The following CS variants were observed in gnomAD, a reference collection of about 807,000 sequenced individuals.
CS encodes the protein citrate synthase, also known as citrate synthase, mitochondrial.
In CS, 13 loss-of-function variants were observed where a neutral mutation model predicts 61.4. That is an observed-to-expected ratio of 0.21 (90% CI 0.14 to 0.34). CS has a LOEUF of 0.34. CS is among the 10% of genes least tolerant of loss of function. CS has a pLI of 1.00. For missense variants in CS, 278 were observed against 573.4 expected (o/e 0.48, Z 5.26); for synonymous variants, 159 against 215.2 (o/e 0.74, Z 2.29).
chr12:56,296,293 T>G (rs1873303476), intron 1 of CS, among the ~76,000 whole-genome samples: 1 of 151,978 alleles, frequency 6.6e-6, no homozygotes, highest in African/African-American at 2.4e-5. Flanking sequence ...AAACACTGTC[T>G]CCAAAAAAAC....
intron 1 of CS, among the ~76,000 whole-genome samples, chr12:56,295,480 C>T (rs1873268932): frequency 6.6e-6 from 1 of 151,738 alleles, no homozygotes; most frequent in Non-Finnish European, 1.5e-5. Flanking sequence ...GAGATCACAC[C>T]ACTGCACTCC....
intron 6 of CS, among the ~76,000 whole-genome samples, chr12:56,278,613 T>A (rs1565619984): frequency 6.6e-6 from 1 of 151,722 alleles, no homozygotes; most frequent in Non-Finnish European, 1.5e-5. Flanking sequence ...GGCTTGCACC[T>A]GTGGTCCCAG....
intron 1 of CS, among the ~76,000 whole-genome samples, chr12:56,287,397 G>A (rs1400856757): frequency 1.4e-5 from 2 of 146,108 alleles, no homozygotes; most frequent in Admixed American, 1.4e-4. Flanking sequence ...TGGGAGAATG[G>A]CTTAAACCTT....
At position 56,273,673 on chromosome 12, in the gene CS, T is replaced by C. The variant is rs1213398142; in HGVS notation, c.1144A>G (p.Lys382Glu). Residue 382 changes from lysine (K) to glutamate (E), a missense_variant, in exon 10 of 11, where the codon AAG becomes GAG. Coordinates refer to ENST00000351328, the MANE Select transcript of CS (RefSeq NM_004077.3). ...TCTAAGAGGACATTGGGCACAATCTTGTACAGCTGAGCAACCAACTTAAAC... is the reference window on the plus strand; with the variant it reads ...TCTAAGAGGACATTGGGCACAATCTCGTACAGCTGAGCAACCAACTTAAAC... Reference protein sequence around the residue: ...PMFKLVAQLYKIVPNVLLEQG... With the variant: ...PMFKLVAQLYEIVPNVLLEQG... The C allele has an allele frequency of 1.2e-6, 2 of 1,614,078 alleles. No individual in the cohort carries two copies. The highest frequency in any genetic ancestry group is 1.1e-5 in the South Asian group (1 of 91,084).
intron 2 of CS, 181 bp from the exon 3 acceptor site, chr12:56,286,204 A>C: frequency 3.4e-6 from 2 of 593,434 alleles, no homozygotes; most frequent in Non-Finnish European, 6.0e-6. Context: ...ATGAGGAGTT[A>C]ATGTTTAATG....
chr12:56,282,809 A>G (rs988683683), intron 5 of CS, 51 bp downstream of exon 5: 6 of 1,608,602 alleles, frequency 3.7e-6, no homozygotes, highest in African/African-American at 1.3e-5. Flanking sequence ...GATTAGAGAA[A>G]GGCAATGAAG....
Position 56,300,221 on chromosome 12 carries a change from C to G in CS, c.-20G>C. The G allele has an allele frequency of 1.9e-6, 3 of 1,556,160 alleles. No homozygotes were observed. The highest frequency in any genetic ancestry group is 2.6e-6 in the Non-Finnish European group (3 of 1,152,314). On this transcript the variant is annotated 5_prime_UTR_variant, in exon 1 of 11. Transcript: ENST00000351328. The stretch of plus-strand genomic sequence containing the variant: ...AGCCATGGCGGGCGATCTCCGGGAT[C>G]TGGTGGGGAGGTAAGAAAGGGAGAG...
chr12:56,275,660 C>T, intron 7 of CS: 1 of 363,276 alleles, frequency 2.8e-6, no homozygotes, highest in South Asian at 3.1e-5. Context: ...TTGATGATGC[C>T]TGTATGCTCT....
intron 6 of CS, among the ~76,000 whole-genome samples, chr12:56,280,018 G>A (rs190889359): frequency 2.7e-4 from 41 of 152,084 alleles, no homozygotes; most frequent in Middle Eastern, 3.4e-3. Context: ...GGTGGCTCAC[G>A]CCTATAATCC....
intron 3 of CS, among the ~76,000 whole-genome samples, 179 bp downstream of exon 3, chr12:56,285,737 C>T (rs1872921950): frequency 6.6e-6 from 1 of 152,174 alleles, no homozygotes; most frequent in East Asian, 1.9e-4. Context: ...AAGCTAAAAA[C>T]TGTTGAGAAA....
intron 1 of CS, chr12:56,291,246 T>G (rs1039396319): frequency 4.4e-6 from 5 of 1,132,256 alleles, no homozygotes; most frequent in Non-Finnish European, 5.5e-6. Context: ...TTCCTGGGAG[T>G]TGGATCCCAG....
chr12:56,292,778 C>T (rs1311803115), intron 1 of CS, among the ~76,000 whole-genome samples: 1 of 150,492 alleles, frequency 6.6e-6, no homozygotes. Context: ...ATGGCGGGCG[C>T]CTGTAGTCCC....
intron 8 of CS, 27 bp from the exon 9 acceptor site, chr12:56,274,905 G>A: frequency 6.2e-7 from 1 of 1,604,836 alleles, no homozygotes; most frequent in East Asian, 2.2e-5. Flanking sequence ...GGGAAAAAGG[G>A]AATGTTAATA....
chr12:56,298,660 C>G (rs1413894181), intron 1 of CS: 1 of 985,296 alleles, frequency 1.0e-6, no homozygotes, highest in African/African-American at 1.7e-5. Context: ...AAGCATCTCC[C>G]AAATGCTCAG....
In CS at chr12:56,282,931, C is replaced by A; in HGVS notation, c.328G>T (p.Gly110Cys). The A allele has an allele frequency of 6.2e-7, 1 of 1,614,194 alleles. No homozygotes were observed. The highest frequency in any genetic ancestry group is 8.5e-7 in the Non-Finnish European group (1 of 1,180,044). ...CCCTCAGGCAGGGGTTCTTCCCCAC[C>A]CTTAGCCTTGGGTAGCAGTTTCTGG... ...ECQKLLPKAK[G>C]GEEPLPEGLF... The change falls in exon 5 of 11, where the codon GGT (glycine) becomes TGT (cysteine). Residue 110 changes from glycine (G) to cysteine (C), a missense_variant. Physicochemically the swap from Gly to Cys is radical, Grantham distance 159. This residue lies in a region of CS where 223 missense variants were observed against 503.5 expected (regional missense o/e 0.44). Transcript: ENST00000351328.
At chr12:56,298,474 A>G (rs986448594) in intron 1 of CS, 1 of 233,410 alleles carries the variant, frequency 4.3e-6, no homozygotes, top group Non-Finnish European at 7.0e-6. Context: ...GTAAATCCCA[A>G]GGCTTTTTCA....
chr12:56,273,824 A>ACT (rs962360760), intron 9 of CS, 28 bp from the exon 10 acceptor site: 3 of 1,557,916 alleles, frequency 1.9e-6, no homozygotes, highest in Non-Finnish European at 2.7e-6. Context: ...AAAAGATAGT[A>ACT]TTCTCAGTAG....
chr12:56,274,956 G>A (rs1872592636), intron 8 of CS, 46 bp downstream of exon 8: 1 of 1,611,070 alleles, frequency 6.2e-7, no homozygotes, highest in African/African-American at 1.3e-5. Flanking sequence ...AACAAAGCAT[G>A]GGGTAAGGAA....
At position 56,274,763 on chromosome 12, in the gene CS, G is replaced by T; in HGVS notation, c.1020+14C>A. On this transcript the variant is annotated intron_variant, in intron 9 of 10. Transcript: ENST00000351328. ...TCTTGGTTTCTTTCCTAGTCGTTAA[G>T]CATCTCTGCTTACCCGTCCTGAGTT... The T allele has an allele frequency of 6.6e-7, 1 of 1,521,976 alleles. No individual in the cohort carries two copies. Among genetic ancestry groups the T allele is most frequent in the Non-Finnish European group, 8.8e-7 (1 of 1,131,902 alleles). 94.3% of individuals were successfully genotyped at this position (1,521,976 alleles called of 1,614,324 possible).
Sources: allele counts gnomAD v4.1 joint callset (sites outside exome capture counted in the v4.1 genomes callset), GRCh38; gene constraint gnomAD v4.1.1; regional missense constraint gnomAD v4.1.1; transcripts MANE v1.5; gene names NCBI Gene and HGNC (gene_info 2026-07-23, HGNC 2026-07-21).